The following FN3K variants were observed in gnomAD, a reference collection of about 807,000 sequenced individuals.
FN3K encodes fructosamine-3-kinase.
Under a neutral mutation model 24.8 loss-of-function variants are expected in FN3K, and 24 were observed. The observed-to-expected ratio is 0.97, with a 90% CI of 0.70 to 1.36. The LOEUF is 1.36. FN3K is among the 40% of genes most tolerant of loss of function. FN3K has a pLI of 0.00. For missense variants in FN3K, 449 were observed against 416.7 expected, an observed-to-expected ratio of 1.08 and a Z score of -0.67; for synonymous variants, 192 against 175.2, an observed-to-expected ratio of 1.10 and a Z score of -0.76.
chr17:82,740,960 A>G, intron 3 of FN3K, 106 bp downstream of exon 3: 1 of 772,144 alleles, frequency 1.3e-6, no homozygotes, highest in Non-Finnish European at 2.3e-6. Context: ...GTTGAGTTGT[A>G]TACCGTCTGT....
intron 3 of FN3K, 197 bp downstream of exon 3, chr17:82,741,051 C>G: frequency 1.5e-6 from 1 of 655,306 alleles, no homozygotes; most frequent in Non-Finnish European, 2.7e-6. Context: ...GGCACATGAT[C>G]CCTTTTATAC....
intron 4 of FN3K, among the ~76,000 whole-genome samples, chr17:82,743,989 T>C (rs1339710648): frequency 6.6e-6 from 1 of 152,252 alleles, no homozygotes; most frequent in Non-Finnish European, 1.5e-5. Context: ...TAAACCTGGT[T>C]GTCTTCTGGA....
Position 82,750,901 on chromosome 17 carries a change from C to A in FN3K, c.*146C>A. ...GTCTCCATCCCCCCGTCCCCCCATC[C>A]TCCTGTCCCCGTCCCCCCGTCCCCG... On this transcript the variant is annotated 3_prime_UTR_variant, in exon 6 of 6. Transcript: ENST00000300784. The A allele has an allele frequency of 2.2e-6, 1 of 463,496 alleles. No homozygotes were observed. The highest frequency in any genetic ancestry group is 3.8e-6 in the Non-Finnish European group (1 of 264,998). 28.7% of individuals were successfully genotyped at this position (463,496 alleles called of 1,614,324 possible). A position where few individuals can be genotyped will look rare whatever the true frequency, so the allele number is the denominator to read the frequency against.
At position 82,738,497 on chromosome 17, in the gene FN3K, G is replaced by A; in HGVS notation, c.150G>A (p.Gln50=). The A allele has an allele frequency of 6.2e-7, 1 of 1,612,326 alleles. No homozygotes were observed. Residue 50 remains glutamine, a synonymous_variant, in exon 2 of 6, where the codon CAG becomes CAA. Transcript: ENST00000300784. ...VKVNRRTQAR[Q]MFEGEVASLE... is the part of the protein sequence containing the mutation. ...CTGTGTTCTGGATGCAGGCCCGGCA[G>A]ATGTTTGAGGGGGAGGTGGCCAGCC...
At chr17:82,741,862 C>A (rs1414848684) in intron 4 of FN3K, among the ~76,000 whole-genome samples, 3 of 152,218 alleles carry the variant, frequency 2.0e-5, no homozygotes, top group African/African-American at 7.2e-5. Flanking sequence ...TGATGGTGTG[C>A]AACCATCACT....
Position 82,750,771 on chromosome 17 carries a change from C to T in FN3K, c.*16C>T. 6.2e-7 allele frequency: 1 copy of T among 1,601,598 alleles called. No homozygotes were observed. On this transcript the variant is annotated 3_prime_UTR_variant, in exon 6 of 6. Coordinates refer to ENST00000300784, the MANE Select transcript of FN3K (RefSeq NM_022158.4). The stretch of plus-strand genomic sequence containing the variant: ...GCTCAAGTAGCGGCCCCTGCCCTCC[C>T]TTCCCCTGTCCCCGTCCCCGTCTCC...
rs1042389846 is a variant in FN3K, at chr17:82,741,036, G to C, written c.385+182G>C. On this transcript the variant is annotated intron_variant, in intron 3 of 5. Coordinates refer to ENST00000300784, the MANE Select transcript of FN3K (RefSeq NM_022158.4). Reference sequence around the variant, plus strand: ...TTTTGATGTAGCTGATAAGCTAGTAGAATTGGCACATGATCCCTTTTATAC... The same window carrying C: ...TTTTGATGTAGCTGATAAGCTAGTACAATTGGCACATGATCCCTTTTATAC... 9.4e-5 allele frequency: 63 copies of C among 669,084 alleles called. No individual in the cohort carries two copies. The African/African-American group carries it at 1.1e-3, about 11-fold the overall frequency. The allele number at this position is 669,084 out of a possible 1,614,324, so 41.4% of individuals were successfully genotyped here. A position where few individuals can be genotyped will look rare whatever the true frequency, so the allele number is the denominator to read the frequency against.
At chr17:82,745,197 C>G (rs1432949101) in intron 4 of FN3K, 1 of 173,304 alleles carries the variant, frequency 5.8e-6, no homozygotes, top group East Asian at 1.7e-4. Flanking sequence ...GTCCCTGCAG[C>G]CTTCCACAGT....
rs780130686 is a variant in FN3K, at chr17:82,741,411, G to A, written c.468+18G>A. ...TCCCGCAGGTGAGTGCCTGGGTGAG[G>A]GTGTTCCCTGATGCCCTAATGCTGG... is the stretch of plus-strand genomic sequence containing the variant. On this transcript the variant is annotated intron_variant, in intron 4 of 5. Transcript: ENST00000300784. 5.6e-6 allele frequency: 9 copies of A among 1,608,618 alleles called. No homozygotes were observed. The highest frequency in any genetic ancestry group is 7.6e-6 in the Non-Finnish European group (9 of 1,176,854).
chr17:82,738,187 C>G, intron 1 of FN3K: 1 of 375,084 alleles, frequency 2.7e-6, no homozygotes. Context: ...TTCACTCACA[C>G]CTCCCCACGC....
At chr17:82,737,185 A>G (rs2046907420) in intron 1 of FN3K, among the ~76,000 whole-genome samples, 1 of 152,146 alleles carries the variant, frequency 6.6e-6, no homozygotes, top group Admixed American at 6.5e-5. Flanking sequence ...CTTTGAAGGA[A>G]AGGGCGTTCT....
rs765596185 is a variant in FN3K, at chr17:82,750,622, A to G, written c.797A>G (p.Lys266Arg). 13 of 1,614,006 alleles carry G rather than the reference A, an allele frequency of 8.1e-6. No homozygotes were observed. The highest frequency in any genetic ancestry group is 1.1e-5 in the Non-Finnish European group (13 of 1,180,018). The change falls in exon 6 of 6, where the codon AAG (lysine) becomes AGG (arginine). Residue 266 changes from lysine to arginine, a missense_variant. Transcript: ENST00000300784. ...PRSFFTAYHR[K>R]IPKAPGFDQR... ...TCCTTCTTCACCGCCTACCACCGGA[A>G]GATCCCCAAGGCTCCGGGCTTCGAC... is the stretch of plus-strand genomic sequence containing the variant.
chr17:82,742,500 C>T, intron 4 of FN3K: 1 of 340,808 alleles, frequency 2.9e-6, no homozygotes, highest in East Asian at 8.1e-5. Flanking sequence ...TTGTATCTTT[C>T]ATTCAGCATC....
Position 82,735,652 on chromosome 17 carries a change from C to A in FN3K, c.16C>A (p.Arg6Ser). The change falls in exon 1 of 6, where the codon CGC becomes AGC. Residue 6 changes from arginine (R) to serine (S), a missense_variant. Coordinates refer to ENST00000300784, the MANE Select transcript of FN3K (RefSeq NM_022158.4). ...CCCGCACTCCATGGAGCAGCTGCTG[C>A]GCGCCGAGCTGCGCACCGCGACCCT... MEQLLRAELRTATLRA... is the reference protein window; with the variant it reads MEQLLSAELRTATLRA... 1.3e-6 allele frequency: 2 copies of A among 1,538,096 alleles called. No individual in the cohort carries two copies. Among genetic ancestry groups the A allele is most frequent in the Admixed American group, 1.9e-5 (1 of 51,636 alleles).
intron 4 of FN3K, among the ~76,000 whole-genome samples, chr17:82,748,626 T>C (rs2046982118): frequency 6.6e-6 from 1 of 152,196 alleles, no homozygotes; most frequent in Admixed American, 6.5e-5. Context: ...GTATTTAATG[T>C]GCTTAGTCAT....
chr17:82,748,620 T>C (rs1160539512), intron 4 of FN3K, among the ~76,000 whole-genome samples: 1 of 152,212 alleles, frequency 6.6e-6, no homozygotes, highest in Non-Finnish European at 1.5e-5. Flanking sequence ...ACATTCGTAT[T>C]TAATGTGCTT....
intron 2 of FN3K, among the ~76,000 whole-genome samples, chr17:82,739,550 T>C (rs952588907): frequency 6.6e-6 from 1 of 150,838 alleles, no homozygotes; most frequent in African/African-American, 2.4e-5. Context: ...CTCTGCCTCC[T>C]GGGTTGACGC....
At position 82,750,592 on chromosome 17, in the gene FN3K, C is replaced by G. The variant is rs768567864; in HGVS notation, c.767C>G (p.Pro256Arg). ...LAIALMFGGFPRSFFTAYHRK... is the reference protein window; with the variant it reads ...LAIALMFGGFRRSFFTAYHRK... ...ATCGCCTTGATGTTTGGGGGGTTCC[C>G]CAGATCCTTCTTCACCGCCTACCAC... The change falls in exon 6 of 6, where the codon CCC (proline) becomes CGC (arginine). Residue 256 changes from proline (P) to arginine (R), a missense_variant. By Grantham distance (103) the Pro-to-Arg change is moderately radical. Transcript: ENST00000300784. 5 of 1,614,014 alleles carry G rather than the reference C, an allele frequency of 3.1e-6. No homozygotes were observed. Among genetic ancestry groups the G allele is most frequent in the Non-Finnish European group, 4.2e-6 (5 of 1,180,036 alleles).
chr17:82,741,970 C>T (rs1334557736), intron 4 of FN3K, among the ~76,000 whole-genome samples: 4 of 152,138 alleles, frequency 2.6e-5, no homozygotes, highest in East Asian at 1.9e-4. Flanking sequence ...TGCAATGGCA[C>T]GATCTCGACC....
Sources: allele counts gnomAD v4.1 joint callset (sites outside exome capture counted in the v4.1 genomes callset), GRCh38; gene constraint gnomAD v4.1.1; transcripts MANE v1.5; gene names NCBI Gene and HGNC (gene_info 2026-07-23, HGNC 2026-07-21).